The following PADI4 variants were observed in gnomAD, a reference collection of about 807,000 sequenced individuals.
PADI4 encodes the protein peptidyl arginine deiminase 4, also known as protein-arginine deiminase type-4.
Under a neutral mutation model 75.0 loss-of-function variants are expected in PADI4, and 62 were observed. The observed-to-expected ratio is 0.83, with a 90% CI of 0.67 to 1.02. The LOEUF (loss-of-function observed/expected upper bound fraction) is 1.02. PADI4 is among the 50% of genes least tolerant of loss of function. The pLI is 0.00. For synonymous variants in PADI4, 361 were observed against 348.1 expected (o/e 1.04, Z -0.41); for missense variants, 845 against 850.5 (o/e 0.99, Z 0.08).
chr1:17,344,375 G>A (rs60835091), intron 8 of PADI4, among the ~76,000 whole-genome samples: 3,473 of 152,312 alleles, frequency 0.023, 128 homozygotes, highest in African/African-American at 0.08. Context: ...CAATGCAATC[G>A]AAAAGAAAAT....
intron 4 of PADI4, 101 bp downstream of exon 4, chr1:17,336,327 T>C: frequency 1.3e-6 from 1 of 741,252 alleles, no homozygotes; most frequent in South Asian, 1.6e-5. Context: ...ACGTATTCCG[T>C]GTTAACTGTT....
intron 6 of PADI4, among the ~76,000 whole-genome samples, chr1:17,341,658 T>A (rs2074420513): frequency 6.6e-6 from 1 of 152,216 alleles, no homozygotes; most frequent in South Asian, 2.1e-4. Flanking sequence ...CTAGAGCAGA[T>A]GCTCAGGAAT....
chr1:17,311,602 G>A (rs1204028349), intron 1 of PADI4, among the ~76,000 whole-genome samples: 4 of 151,024 alleles, frequency 2.6e-5, no homozygotes, highest in Middle Eastern at 3.2e-3. Context: ...TTGGCTCACC[G>A]CAAGCTCCAC....
In PADI4 at chr1:17,359,337, G is replaced by A. The variant is rs748525774; in HGVS notation, c.1687G>A (p.Asp563Asn). The stretch of plus-strand genomic sequence containing the variant: ...GCGGGAGCTGGGCCTGGCCGAGAGT[G>A]ACATCATTGACATCCCGCAGCTCTT... ...LKRELGLAES[D>N]IIDIPQLFKL... Residue 563 changes from aspartate (D) to asparagine (N), a missense_variant, in exon 15 of 16, where the codon GAC becomes AAC. Asp to Asn is a conservative substitution (Grantham distance 23). Coordinates refer to ENST00000375448, the MANE Select transcript of PADI4 (RefSeq NM_012387.3). 2 of 1,613,736 alleles carry A rather than the reference G, an allele frequency of 1.2e-6. No homozygotes were observed. Among genetic ancestry groups the A allele is most frequent in the Non-Finnish European group, 1.7e-6 (2 of 1,179,882 alleles).
At chr1:17,316,891 T>C (rs963366317) in intron 1 of PADI4, among the ~76,000 whole-genome samples, 3 of 151,956 alleles carry the variant, frequency 2.0e-5, no homozygotes, top group Non-Finnish European at 2.9e-5. Context: ...AGTGTGCTCA[T>C]CTGTAAAATG....
chr1:17,359,175 C>T (rs1236181257), intron 14 of PADI4, 105 bp from the exon 15 acceptor site: 16 of 856,346 alleles, frequency 1.9e-5, no homozygotes, highest in Non-Finnish European at 2.6e-5. Context: ...CTGACACTGT[C>T]CCAGGTCCTA....
At chr1:17,359,180 G>A (rs990668358) in intron 14 of PADI4, 100 bp from the exon 15 acceptor site, 1 of 885,202 alleles carries the variant, frequency 1.1e-6, no homozygotes, top group South Asian at 1.6e-5. Context: ...ACTGTCCCAG[G>A]TCCTACCCTC....
rs375983197 is a variant in PADI4, at chr1:17,342,106, G to T, written c.816G>T (p.Leu272=). 6.2e-7 allele frequency: 1 copy of T among 1,613,898 alleles called. No homozygotes were observed. Among genetic ancestry groups the T allele is most frequent in the Non-Finnish European group, 8.5e-7 (1 of 1,179,954 alleles). ...TCATTACCCTCACCATCTCCCTGCT[G>T]GACACGTCCAACCTGGTAGGCCGAG... ...PGLITLTISL[L]DTSNLELPEA... The change falls in exon 7 of 16, where the codon CTG becomes CTT. Residue 272 remains leucine (L), a synonymous_variant. Coordinates refer to ENST00000375448, the MANE Select transcript of PADI4 (RefSeq NM_012387.3).
Position 17,326,779 on chromosome 1 carries a change from CTTAA to C in PADI4, c.93-4187_93-4184del, listed in dbSNP as rs145660290. 2.9e-3 allele frequency among the ~76,000 whole-genome samples: 440 copies of C among 152,166 alleles called. 11 individuals carry two copies. The highest frequency in any genetic ancestry group is 0.022 in the Admixed American group (343 of 15,276). Reference sequence around the variant, plus strand: ...TATGTTAGCAAAATCTGTATCATTACTTAATTTTTATCTGCTTAATCTATTGTTG... The same window carrying C: ...TATGTTAGCAAAATCTGTATCATTACTTTTTATCTGCTTAATCTATTGTTG... On this transcript the variant is annotated intron_variant, in intron 1 of 15. Transcript: ENST00000375448.
At chr1:17,344,663 G>A (rs1263896812) in intron 8 of PADI4, among the ~76,000 whole-genome samples, 2 of 151,332 alleles carry the variant, frequency 1.3e-5, no homozygotes, top group East Asian at 3.9e-4. Context: ...TCAGGCTGTG[G>A]CTTCAGAGGG....
At chr1:17,335,675 T>C (rs753501367) in intron 3 of PADI4, among the ~76,000 whole-genome samples, 4 of 152,348 alleles carry the variant, frequency 2.6e-5, no homozygotes, top group African/African-American at 7.2e-5. Flanking sequence ...TGTTCAGGGT[T>C]GCAATTTGTC....
chr1:17,338,532 G>A (rs2074358168), intron 5 of PADI4, among the ~76,000 whole-genome samples: 1 of 152,152 alleles, frequency 6.6e-6, no homozygotes, highest in Non-Finnish European at 1.5e-5. Flanking sequence ...GCCATAGGCC[G>A]GGCACGACTC....
intron 10 of PADI4, 111 bp downstream of exon 10, chr1:17,348,159 C>T (rs1350505811): frequency 9.9e-6 from 6 of 605,888 alleles, no homozygotes; most frequent in Non-Finnish European, 1.5e-5. Flanking sequence ...TAGCCCAGTG[C>T]AAGGAGGTGG....
intron 1 of PADI4, among the ~76,000 whole-genome samples, chr1:17,318,253 C>G (rs907954235): frequency 6.6e-6 from 1 of 152,288 alleles, no homozygotes; most frequent in South Asian, 2.1e-4. Flanking sequence ...GGAATGGCAC[C>G]AGGCTGGGCT....
intron 1 of PADI4, among the ~76,000 whole-genome samples, chr1:17,313,198 T>TAGAA (rs1303492813): frequency 1.4e-5 from 2 of 140,254 alleles, no homozygotes; most frequent in Admixed American, 1.4e-4. Flanking sequence ...TCAAAAAAAA[T>TAGAA]AGAAAGAAAG....
rs1346153483 is a variant in PADI4, at chr1:17,359,268, C to T, written c.1630-12C>T. 2.2e-5 allele frequency: 36 copies of T among 1,609,488 alleles called. No individual in the cohort carries two copies. Among genetic ancestry groups the T allele is most frequent in the Non-Finnish European group, 3.1e-5 (36 of 1,177,476 alleles). The stretch of plus-strand genomic sequence containing the variant: ...TCAGTCCCCCACTCACTGCCCCTGC[C>T]CCTTCCCCAAGAGATGCATCGACTG... On this transcript the variant is annotated splice_polypyrimidine_tract_variant and intron_variant, in intron 14 of 15. Coordinates refer to ENST00000375448, the MANE Select transcript of PADI4 (RefSeq NM_012387.3).
chr1:17,359,485 G>T, intron 15 of PADI4, 77 bp downstream of exon 15: 1 of 1,598,034 alleles, frequency 6.3e-7, no homozygotes, highest in Non-Finnish European at 8.5e-7. Context: ...GGGGCACCCG[G>T]GCGGTCCCAG....
intron 1 of PADI4, among the ~76,000 whole-genome samples, chr1:17,324,434 C>CT (rs1256468297): frequency 1.3e-5 from 2 of 151,830 alleles, no homozygotes; most frequent in African/African-American, 4.8e-5. Flanking sequence ...TTGTGCTTGT[C>CT]TTTTTACTTT....
chr1:17,314,405 G>A (rs190959519), intron 1 of PADI4, among the ~76,000 whole-genome samples: 12 of 152,280 alleles, frequency 7.9e-5, no homozygotes, highest in Admixed American at 2.0e-4. Flanking sequence ...GTTTTGGTTC[G>A]GCCAGGTAGG....
Sources: allele counts gnomAD v4.1 joint callset (sites outside exome capture counted in the v4.1 genomes callset), GRCh38; gene constraint gnomAD v4.1.1; transcripts MANE v1.5; gene names NCBI Gene and HGNC (gene_info 2026-07-23, HGNC 2026-07-21).